Variants in SORCS1 observed in about 807,000 individuals in gnomAD.
The protein encoded by SORCS1 is VPS10 domain-containing receptor SorCS1.
Under a neutral mutation model 146.1 loss-of-function variants are expected in SORCS1, and 60 were observed. That is an observed-to-expected ratio of 0.41 (90% CI 0.33 to 0.51). The LOEUF (loss-of-function observed/expected upper bound fraction) is 0.51. Among genes scored for constraint, SORCS1 ranks in the 20% least tolerant of loss-of-function variants. The probability of loss-of-function intolerance (pLI) is 0.21; values close to 1 mark genes in which losing one functional copy is unlikely to be tolerated. For missense variants in SORCS1, 1,352 were observed against 1,487.6 expected (o/e 0.91, Z 1.50); for synonymous variants, 637 against 584.0 (o/e 1.09, Z -1.31).
At chr10:107,001,164 T>C (rs142557554) in intron 1 of SORCS1, among the ~76,000 whole-genome samples, 1 of 152,266 alleles carries the variant, frequency 6.6e-6, no homozygotes, top group East Asian at 1.9e-4. Flanking sequence ...GGGCAGAGTG[T>C]AGACAAGGCA....
intron 24 of SORCS1, among the ~76,000 whole-genome samples, chr10:106,591,385 G>A (rs116093661): frequency 4.6e-5 from 7 of 152,242 alleles, no homozygotes; most frequent in African/African-American, 1.7e-4. Context: ...AGATTCCCTA[G>A]ATGCTTATTG....
At chr10:106,603,221 G>A (rs1256765332) in intron 23 of SORCS1, among the ~76,000 whole-genome samples, 3 of 152,188 alleles carry the variant, frequency 2.0e-5, no homozygotes, top group Non-Finnish European at 4.4e-5. Context: ...GAGCAAGGAA[G>A]TGGGATGCTT....
rs376245294 is a variant in SORCS1 at position 106,996,225 on chromosome 10, TAA to T, written c.559-39647_559-39646del. On this transcript the variant is annotated intron_variant, in intron 1 of 25. Transcript: ENST00000263054. ...CTGGGCGACAGAGCGAGACTCCATC[TAA>T]AAAAAAAAAAAAAAAAAAAAAATAG... Among the ~76,000 whole-genome samples, 221 of 99,670 alleles carry T rather than the reference TAA, an allele frequency of 2.2e-3. 3 individuals carry two copies. The highest frequency in any genetic ancestry group is 8.7e-3 in the African/African-American group (208 of 23,976). The allele number at this position is 99,670 out of a possible 152,430, so 65.4% of individuals were successfully genotyped here.
At chr10:107,167,882 C>T (rs916509350), upstream of SORCS1, among the ~76,000 whole-genome samples, 1 of 151,918 alleles carries the variant, frequency 6.6e-6, no homozygotes, top group African/African-American at 2.4e-5. Context: ...AGAATATGAA[C>T]ATTTAGTCAT....
intron 2 of SORCS1, among the ~76,000 whole-genome samples, chr10:106,901,838 T>C (rs1370304254): frequency 6.6e-6 from 1 of 152,122 alleles, no homozygotes; most frequent in African/African-American, 2.4e-5. Flanking sequence ...GGTCAGGAGA[T>C]GGAGACCATC....
At chr10:106,892,167 C>G (rs554161202) in intron 2 of SORCS1, among the ~76,000 whole-genome samples, 1 of 152,146 alleles carries the variant, frequency 6.6e-6, no homozygotes, top group East Asian at 1.9e-4. Context: ...TGAAATGGAC[C>G]GAGATTTCCC....
At chr10:106,849,911 C>T (rs1442622204) in intron 2 of SORCS1, among the ~76,000 whole-genome samples, 1 of 152,116 alleles carries the variant, frequency 6.6e-6, no homozygotes, top group Non-Finnish European at 1.5e-5. Context: ...GGTCAGGGGT[C>T]AGGGACCCAC....
intron 1 of SORCS1, among the ~76,000 whole-genome samples, chr10:107,000,464 G>A (rs941560777): frequency 1.3e-4 from 20 of 150,250 alleles, no homozygotes; most frequent in South Asian, 2.1e-4. Flanking sequence ...AAAATTATCT[G>A]GGCGTGGTGG....
intron 2 of SORCS1, among the ~76,000 whole-genome samples, chr10:106,921,608 G>A (rs1008563089): frequency 2.6e-5 from 4 of 152,142 alleles, no homozygotes; most frequent in Admixed American, 2.0e-4. Flanking sequence ...ATAACTCAGT[G>A]CAAGGGACAC....
chr10:107,014,820 C>G (rs1386603642), intron 1 of SORCS1, among the ~76,000 whole-genome samples: 2 of 152,146 alleles, frequency 1.3e-5, no homozygotes, highest in Non-Finnish European at 2.9e-5. Flanking sequence ...AAACTTATTG[C>G]ATACAATTTG....
chr10:106,683,684 T>C (rs566071869), intron 10 of SORCS1, among the ~76,000 whole-genome samples: 1 of 152,352 alleles, frequency 6.6e-6, no homozygotes, highest in African/African-American at 2.4e-5. Flanking sequence ...ATGGTACCTT[T>C]ATCTCCATGG....
intron 18 of SORCS1, among the ~76,000 whole-genome samples, chr10:106,634,415 A>ATGT (rs1212207625): frequency 2.6e-5 from 4 of 152,364 alleles, no homozygotes; most frequent in Admixed American, 2.0e-4. Flanking sequence ...GAAAGGACAG[A>ATGT]TGTTATTTAT....
rs1227704904 is a variant in SORCS1 at position 106,618,010 on chromosome 10, C to T, written c.2920+139G>A. On this transcript the variant is annotated intron_variant, in intron 21 of 25. Transcript: ENST00000263054. ...TTTCCCTACAGGAGAAGATGAGACT[C>T]GCCTCAGCTCTTTCTCAACTACTGC... The T allele has an allele frequency of 2.8e-5, 30 of 1,080,348 alleles. 1 individual carries two copies. Among genetic ancestry groups the T allele is most frequent in the East Asian group, 1.2e-4 (5 of 40,490 alleles). 66.9% of individuals were successfully genotyped at this position (1,080,348 alleles called of 1,614,324 possible). A position where few individuals can be genotyped will look rare whatever the true frequency, so the allele number is the denominator to read the frequency against.
chr10:106,591,434 TAAG>T (rs1211955895), intron 24 of SORCS1, among the ~76,000 whole-genome samples: 4 of 152,186 alleles, frequency 2.6e-5, no homozygotes, highest in African/African-American at 7.2e-5. Flanking sequence ...AGTTATTTGA[TAAG>T]AAGAAGCATG....
At chr10:106,635,118 G>A (rs1848655576) in intron 18 of SORCS1, among the ~76,000 whole-genome samples, 1 of 152,142 alleles carries the variant, frequency 6.6e-6, no homozygotes, top group Non-Finnish European at 1.5e-5. Context: ...ATTAACCTGA[G>A]CAATGAAAGG....
chr10:106,856,547 G>A (rs915458613), intron 2 of SORCS1, among the ~76,000 whole-genome samples: 2 of 152,184 alleles, frequency 1.3e-5, no homozygotes, highest in African/African-American at 2.4e-5. Flanking sequence ...TTTCTCCTGA[G>A]GGCAGGTCTT....
chr10:107,131,918 C>T (rs1966884597), intron 1 of SORCS1, among the ~76,000 whole-genome samples: 1 of 152,088 alleles, frequency 6.6e-6, no homozygotes, highest in African/African-American at 2.4e-5. Context: ...TCTTTCTTGT[C>T]CACTGCCCTT....
chr10:106,619,671 C>A lies in SORCS1; in HGVS notation c.2796+757G>T, dbSNP rs116723707. Among the ~76,000 whole-genome samples the A allele has an allele frequency of 2.8e-3, 433 of 152,172 alleles. 2 individuals are homozygous for A. The highest frequency in any genetic ancestry group is 0.01 in the African/African-American group (419 of 41,520). ...TAGAGGAAAGAAACATTAGTGGAGG[C>A]ATCAGAAGGCCTTAAATTTGGCCTC... is the stretch of plus-strand genomic sequence containing the variant. On this transcript the variant is annotated intron_variant, in intron 20 of 25. Transcript: ENST00000263054.
chr10:107,167,318 G>C (rs144190766), upstream of SORCS1, among the ~76,000 whole-genome samples: 1,319 of 152,224 alleles, frequency 8.7e-3, 17 homozygotes, highest in African/African-American at 0.028. Flanking sequence ...TCTATTTCAA[G>C]ATGTTTTCAA....
Sources: gnomAD v4.1 joint callset for allele counts (sites outside exome capture counted in the v4.1 genomes callset) on GRCh38, gnomAD v4.1.1 for gene constraint, MANE v1.5 for transcripts, NCBI Gene and HGNC (gene_info 2026-07-23, HGNC 2026-07-21) for gene names.